SERPINB12: variants seen among roughly 807,000 people sequenced by gnomAD.
The protein encoded by SERPINB12 is serpin B12.
In SERPINB12, 57 loss-of-function variants were observed where a neutral mutation model predicts 41.1. That is an observed-to-expected ratio of 1.39 (90% CI 1.12 to 1.73). The LOEUF (loss-of-function observed/expected upper bound fraction) is 1.73. Among genes scored for constraint, SERPINB12 ranks in the 40% most tolerant of loss-of-function variants. The pLI is 0.00. For missense variants in SERPINB12, 536 were observed against 501.9 expected (o/e 1.07, Z -0.65); for synonymous variants, 180 against 181.3 (o/e 0.99, Z 0.06).
At chr18:63,561,799 C>T (rs73468565) in intron 5 of SERPINB12, among the ~76,000 whole-genome samples, 2,304 of 152,226 alleles carry the variant, frequency 0.015, 66 homozygotes, top group African/African-American at 0.053. Flanking sequence ...GAAAGGCAAA[C>T]ATTGTTCTCA....
chr18:63,525,845 T>A, the SERPINB12 span, among the ~76,000 whole-genome samples: 2 of 152,198 alleles, frequency 1.3e-5, no homozygotes, highest in African/African-American at 4.8e-5. Flanking sequence ...AAAGTAAATA[T>A]GTGTGTATTT....
At position 63,563,960 on chromosome 18, in the gene SERPINB12, T is replaced by C; in HGVS notation, c.563-18T>C. The C allele has an allele frequency of 6.3e-7, 1 of 1,597,392 alleles. No homozygotes were observed. Among genetic ancestry groups the C allele is most frequent in the Non-Finnish European group, 8.5e-7 (1 of 1,173,598 alleles). On this transcript the variant is annotated intron_variant, in intron 5 of 7. Coordinates refer to ENST00000382768, the MANE Select transcript of SERPINB12 (RefSeq NM_001307928.2). ...GATACAATTCATACTCAGGATATTC[T>C]CTGGGATCTTTTTTTAGGTAAAATC...
intron 1 of SERPINB12, among the ~76,000 whole-genome samples, chr18:63,549,923 T>C (rs1319300150): frequency 6.6e-6 from 1 of 152,160 alleles, no homozygotes; most frequent in African/African-American, 2.4e-5. Flanking sequence ...AGCTTTGAAA[T>C]CACACTGAAA....
At chr18:63,536,899 T>C in the SERPINB12 span, among the ~76,000 whole-genome samples, 1 of 152,106 alleles carries the variant, frequency 6.6e-6, no homozygotes, top group Non-Finnish European at 1.5e-5. Context: ...AGTTGGTAAT[T>C]CATATAGTGC....
At chr18:63,560,068 T>C (rs1910851102) in intron 4 of SERPINB12, among the ~76,000 whole-genome samples, 1 of 152,210 alleles carries the variant, frequency 6.6e-6, no homozygotes, top group Non-Finnish European at 1.5e-5. Context: ...CTCTCTCCCT[T>C]ATCTGTTAGG....
intron 1 of SERPINB12, among the ~76,000 whole-genome samples, chr18:63,543,472 A>C (rs1910316529): frequency 6.6e-6 from 1 of 152,226 alleles, no homozygotes; most frequent in African/African-American, 2.4e-5. Context: ...CACTTGATAC[A>C]TAATTGTTCA....
At chr18:63,550,801 T>C (rs1459188642) in intron 1 of SERPINB12, among the ~76,000 whole-genome samples, 1 of 152,166 alleles carries the variant, frequency 6.6e-6, no homozygotes, top group Non-Finnish European at 1.5e-5. Flanking sequence ...GCAAACATTG[T>C]GAATCATGGA....
chr18:63,559,058 C>CTTTCTTTCTTTCTTTCTTTCTT (rs778900558), intron 3 of SERPINB12, among the ~76,000 whole-genome samples: 7 of 107,490 alleles, frequency 6.5e-5, no homozygotes, highest in South Asian at 3.3e-4. Context: ...TTCTTTCTTT[C>CTTTCTTTCTTTCTTTCTTTCTT]TCTCCTTCTT....
chr18:63,560,837 G>T (rs562858108), intron 4 of SERPINB12, among the ~76,000 whole-genome samples: 13 of 152,216 alleles, frequency 8.5e-5, no homozygotes, highest in African/African-American at 2.2e-4. Context: ...AGTAGGAAAG[G>T]CTTGTCCCGT....
At chr18:63,556,865 G>T (rs1280821130) in intron 2 of SERPINB12, among the ~76,000 whole-genome samples, 1 of 152,166 alleles carries the variant, frequency 6.6e-6, no homozygotes, top group African/African-American at 2.4e-5. Context: ...TCTCCTTGAG[G>T]TCTGAACCAC....
chr18:63,526,197 T>A, the SERPINB12 span, among the ~76,000 whole-genome samples: 1 of 152,218 alleles, frequency 6.6e-6, no homozygotes, highest in East Asian at 1.9e-4. Context: ...TAGAGCTCTT[T>A]CATGAATTCT....
intron 4 of SERPINB12, among the ~76,000 whole-genome samples, chr18:63,560,095 CTGTGGAA>C (rs1033568525): frequency 7.2e-5 from 11 of 152,136 alleles, no homozygotes; most frequent in African/African-American, 2.7e-4. Flanking sequence ...CAAGACATTT[CTGTGGAA>C]TCTCCTTTTG....
chr18:63,561,192 T>C lies in SERPINB12; in HGVS notation c.552T>C (p.Cys184=). The stretch of plus-strand genomic sequence containing the variant: ...AAGAGATTAACTTCTGGGTTGAATG[T>C]CAATCCCAAGGTAAGAAAGCCCAAA... ...SRQEINFWVE[C]QSQGKIKELF... The change falls in exon 5 of 8, where the codon TGT becomes TGC. Residue 184 remains cysteine (C), a synonymous_variant. Transcript: ENST00000382768. 1.2e-6 allele frequency: 2 copies of C among 1,603,750 alleles called. No homozygotes were observed. The highest frequency in any genetic ancestry group is 1.7e-6 in the Non-Finnish European group (2 of 1,171,320).
chr18:63,548,942 G>T (rs185217678), intron 1 of SERPINB12, among the ~76,000 whole-genome samples: 51 of 151,984 alleles, frequency 3.4e-4, no homozygotes, highest in Admixed American at 3.3e-3. Context: ...AATATGAAGG[G>T]AGATAAAAGC....
intron 5 of SERPINB12, among the ~76,000 whole-genome samples, chr18:63,561,564 A>T (rs1452869578): frequency 6.6e-6 from 1 of 152,238 alleles, no homozygotes; most frequent in Admixed American, 6.5e-5. Context: ...AATAGAGATC[A>T]TTCTACCAAA....
the SERPINB12 span, among the ~76,000 whole-genome samples, chr18:63,529,179 T>C: frequency 2.6e-5 from 4 of 152,162 alleles, no homozygotes; most frequent in African/African-American, 9.7e-5. Flanking sequence ...TCTTAGTAAA[T>C]TACATGTGTA....
the SERPINB12 span, among the ~76,000 whole-genome samples, chr18:63,526,614 G>T: frequency 7.2e-5 from 11 of 152,150 alleles, no homozygotes; most frequent in Admixed American, 1.3e-4. Flanking sequence ...ATAGCTTAGC[G>T]TTATGATTTT....
chr18:63,539,452 C>A (rs1910232722), upstream of SERPINB12, among the ~76,000 whole-genome samples: 1 of 152,024 alleles, frequency 6.6e-6, no homozygotes, highest in Non-Finnish European at 1.5e-5. Context: ...CCCTATTTCT[C>A]CAGAAGTAGG....
upstream of SERPINB12, among the ~76,000 whole-genome samples, chr18:63,539,966 G>T (rs1258882824): frequency 6.6e-6 from 1 of 152,094 alleles, no homozygotes; most frequent in Non-Finnish European, 1.5e-5. Flanking sequence ...GCAATTGGGT[G>T]CTAGAGTCAC....
Sources: gnomAD v4.1 joint callset for allele counts (sites outside exome capture counted in the v4.1 genomes callset) on GRCh38, gnomAD v4.1.1 for gene constraint, MANE v1.5 for transcripts, NCBI Gene and HGNC (gene_info 2026-07-23, HGNC 2026-07-21) for gene names.